The following TMEM178B variants were observed in gnomAD, a reference collection of about 807,000 sequenced individuals.
TMEM178B encodes the protein transmembrane protein 178B.
A neutral mutation model predicts 31.0 loss-of-function variants in TMEM178B; 5 were observed. The observed-to-expected ratio is 0.16, with a 90% CI of 0.08 to 0.34. The LOEUF is 0.34. Ranked by LOEUF, TMEM178B falls within the 10% of genes least tolerant of loss-of-function variation. TMEM178B has a pLI of 1.00. For missense variants in TMEM178B, 275 were observed against 400.3 expected (o/e 0.69, Z 2.67); for synonymous variants, 164 against 164.0 (o/e 1.00, Z 0.00).
intron 3 of TMEM178B, among the ~76,000 whole-genome samples, chr7:141,454,593 C>CTCTCCTCTA (rs1251763190): frequency 6.7e-6 from 1 of 148,616 alleles, no homozygotes; most frequent in Non-Finnish European, 1.5e-5. Flanking sequence ...TCTCTCCTCT[C>CTCTCCTCTA]TCTCCTCTCC....
At chr7:141,244,691 G>A (rs946634540) in intron 2 of TMEM178B, among the ~76,000 whole-genome samples, 1 of 152,152 alleles carries the variant, frequency 6.6e-6, no homozygotes, top group Non-Finnish European at 1.5e-5. Flanking sequence ...GAGTGTCAGT[G>A]AAAAATTGAG....
intron 2 of TMEM178B, among the ~76,000 whole-genome samples, chr7:141,283,002 T>C (rs116896783): frequency 0.019 from 2,958 of 152,304 alleles, 55 homozygotes; most frequent in Non-Finnish European, 0.028. Flanking sequence ...AAAGTAATTG[T>C]ACCAACCTAA....
intron 2 of TMEM178B, among the ~76,000 whole-genome samples, chr7:141,307,122 TATTG>T (rs1177416412): frequency 1.3e-5 from 2 of 152,168 alleles, no homozygotes; most frequent in Non-Finnish European, 2.9e-5. Context: ...TCCTTTCAGA[TATTG>T]ATTGATTGGC....
rs1802279631 is a variant in TMEM178B, at chr7:141,473,153, G to A, written c.*2367G>A. 1.3e-5 allele frequency: 2 copies of A among 152,164 alleles called. No individual in the cohort carries two copies. The highest frequency in any genetic ancestry group is 1.3e-4 in the Admixed American group (2 of 15,272). 9.4% of individuals were successfully genotyped at this position (152,164 alleles called of 1,614,324 possible). A position where few individuals can be genotyped will look rare whatever the true frequency, so the allele number is the denominator to read the frequency against. On this transcript the variant is annotated 3_prime_UTR_variant, in exon 4 of 4. Coordinates refer to ENST00000565468, the MANE Select transcript of TMEM178B (RefSeq NM_001195278.2). ...CAGGAAAACCCAGTTTTTCAATTGG[G>A]CATTTTATTTCTAATTTTCTTTGAA... is the stretch of plus-strand genomic sequence containing the variant.
intron 1 of TMEM178B, among the ~76,000 whole-genome samples, chr7:141,137,808 T>C (rs568518512): frequency 1.3e-5 from 2 of 152,318 alleles, no homozygotes; most frequent in South Asian, 4.1e-4. Flanking sequence ...AATTATTGTG[T>C]ATCAATGAAA....
intron 2 of TMEM178B, among the ~76,000 whole-genome samples, chr7:141,261,072 T>A (rs1798004594): frequency 6.6e-6 from 1 of 152,214 alleles, no homozygotes; most frequent in South Asian, 2.1e-4. Context: ...TTGTGAATTC[T>A]CAATGCAGTA....
intron 1 of TMEM178B, among the ~76,000 whole-genome samples, chr7:141,133,225 A>G (rs745845423): frequency 6.6e-6 from 1 of 152,232 alleles, no homozygotes; most frequent in South Asian, 2.1e-4. Context: ...ATTGTTCAGC[A>G]ACAGATTCTA....
Position 141,349,415 on chromosome 7 carries a change from C to T in TMEM178B, c.497-88193C>T, listed in dbSNP as rs554452725. 2.3e-4 allele frequency among the ~76,000 whole-genome samples: 35 copies of T among 152,196 alleles called. No homozygotes were observed. In the South Asian group the frequency reaches 6.2e-3, roughly 27 times the overall value. On this transcript the variant is annotated intron_variant, in intron 2 of 3. Coordinates refer to ENST00000565468, the MANE Select transcript of TMEM178B (RefSeq NM_001195278.2). ...GATAGACAGGAAAGGGGCCCAGACA[C>T]GCTTTAGATCAGGCTCTGGAAACCC...
Position 141,162,637 on chromosome 7 carries a change from G to A in TMEM178B, c.383-49954G>A, listed in dbSNP as rs532779267. Among the ~76,000 whole-genome samples the A allele has an allele frequency of 1.2e-4, 18 of 152,302 alleles. 1 individual carries two copies. The East Asian group carries it at 3.5e-3, about 29-fold the overall frequency. ...TCTCAGTCCCATGGTACCAACACTA[G>A]CATTTTATTTCATTAATCAAAATAG... On this transcript the variant is annotated intron_variant, in intron 1 of 3. Transcript: ENST00000565468.
At chr7:141,343,437 A>G (rs551986150) in intron 2 of TMEM178B, among the ~76,000 whole-genome samples, 1 of 151,764 alleles carries the variant, frequency 6.6e-6, no homozygotes, top group Non-Finnish European at 1.5e-5. Flanking sequence ...TCAGATTATA[A>G]GGCCAGATTG....
chr7:141,289,775 G>A (rs1239959716), intron 2 of TMEM178B, among the ~76,000 whole-genome samples: 1 of 151,780 alleles, frequency 6.6e-6, no homozygotes, highest in Non-Finnish European at 1.5e-5. Flanking sequence ...CAAGGTGCAG[G>A]GCTTTCATGG....
chr7:141,270,068 AAAAC>A (rs369064534), intron 2 of TMEM178B, among the ~76,000 whole-genome samples: 3 of 152,192 alleles, frequency 2.0e-5, no homozygotes, highest in Non-Finnish European at 4.4e-5. Context: ...CAGTCTCAAA[AAAAC>A]AAACAAACAA....
intron 2 of TMEM178B, among the ~76,000 whole-genome samples, chr7:141,366,446 A>T (rs974825911): frequency 6.6e-6 from 1 of 152,180 alleles, no homozygotes; most frequent in Admixed American, 6.5e-5. Flanking sequence ...TGTTAGACCA[A>T]AGGATACATT....
intron 2 of TMEM178B, among the ~76,000 whole-genome samples, chr7:141,294,484 A>T (rs569911859): frequency 3.9e-5 from 6 of 152,228 alleles, no homozygotes; most frequent in Non-Finnish European, 8.8e-5. Context: ...AGAAAGAAAT[A>T]GGCAGTTGAA....
At chr7:141,486,362 G>A in the TMEM178B span, among the ~76,000 whole-genome samples, 1 of 152,140 alleles carries the variant, frequency 6.6e-6, no homozygotes, top group Non-Finnish European at 1.5e-5. Flanking sequence ...ATCAATGCAT[G>A]TAACAATATT....
chr7:141,473,599 T>G lies in TMEM178B; in HGVS notation c.*2813T>G, dbSNP rs1802293318. ...TTTAGCAAAGCTTACTGCATCCCTT[T>G]GAAACCTTGAGAGTTCCTGAAATGT... On this transcript the variant is annotated 3_prime_UTR_variant, in exon 4 of 4. Coordinates refer to ENST00000565468, the MANE Select transcript of TMEM178B (RefSeq NM_001195278.2). 5 of 152,226 alleles carry G rather than the reference T, an allele frequency of 3.3e-5. No homozygotes were observed. Among genetic ancestry groups the G allele is most frequent in the Admixed American group, 6.5e-5 (1 of 15,284 alleles). The allele number at this position is 152,226 out of a possible 1,614,324, so 9.4% of individuals were successfully genotyped here.
chr7:141,336,383 G>A (rs944277632), intron 2 of TMEM178B, among the ~76,000 whole-genome samples: 1 of 152,132 alleles, frequency 6.6e-6, no homozygotes, highest in African/African-American at 2.4e-5. Flanking sequence ...GAAATGCTGA[G>A]CTTTTCAGAG....
intron 2 of TMEM178B, among the ~76,000 whole-genome samples, chr7:141,311,373 G>T (rs1798907585): frequency 6.6e-6 from 1 of 152,080 alleles, no homozygotes; most frequent in Non-Finnish European, 1.5e-5. Flanking sequence ...TTAGTAGAAA[G>T]GTTAATTTTT....
intron 2 of TMEM178B, among the ~76,000 whole-genome samples, chr7:141,229,422 C>T (rs763508999): frequency 5.3e-5 from 8 of 152,080 alleles, no homozygotes; most frequent in African/African-American, 1.4e-4. Context: ...ACCACCTACC[C>T]CATCCCCAGT....
Sources: allele counts gnomAD v4.1 joint callset (sites outside exome capture counted in the v4.1 genomes callset), GRCh38; gene constraint gnomAD v4.1.1; transcripts MANE v1.5; gene names NCBI Gene and HGNC (gene_info 2026-07-23, HGNC 2026-07-21).